ATXN7: variants seen among roughly 807,000 people sequenced by gnomAD.
ATXN7 encodes ataxin 7, also known as ataxin-7.
Under a neutral mutation model 70.5 loss-of-function variants are expected in ATXN7, and 12 were observed. That is an observed-to-expected ratio of 0.17 (90% confidence interval 0.11 to 0.28). ATXN7 has a LOEUF of 0.28. Ranked by LOEUF, ATXN7 falls within the 10% of genes least tolerant of loss-of-function variation. The pLI, the probability that ATXN7 is intolerant of heterozygous loss-of-function variation, is 1.00. For synonymous variants in ATXN7, 498 were observed against 448.7 expected (o/e 1.11, Z -1.39); for missense variants, 1,256 against 1,131.7 (o/e 1.11, Z -1.58).
At chr3:63,964,250 G>A (rs1347594876) in intron 5 of ATXN7, among the ~76,000 whole-genome samples, 3 of 152,094 alleles carry the variant, frequency 2.0e-5, no homozygotes, top group Admixed American at 6.6e-5. Context: ...TTTCTCGGGC[G>A]TCTATGGGAA....
intron 5 of ATXN7, among the ~76,000 whole-genome samples, chr3:63,968,935 A>AGGG (rs2075269504): frequency 1.3e-5 from 2 of 152,208 alleles, no homozygotes; most frequent in East Asian, 3.8e-4. Context: ...AAATATGAAA[A>AGGG]GATCTTAAAC....
intron 4 of ATXN7, among the ~76,000 whole-genome samples, chr3:63,950,710 T>A (rs2074939440): frequency 6.6e-6 from 1 of 152,190 alleles, no homozygotes; most frequent in Admixed American, 6.5e-5. Flanking sequence ...AGATATAACC[T>A]TTCCCCTTCT....
intron 11 of ATXN7, among the ~76,000 whole-genome samples, chr3:63,993,646 A>T (rs142678182): frequency 0.01 from 1,599 of 152,318 alleles, 37 homozygotes; most frequent in Admixed American, 0.041. Context: ...TACACAAAAG[A>T]GTAATTAACT....
At chr3:63,913,127 C>G in intron 3 of ATXN7, 30 bp from the exon 4 acceptor site, 1 of 1,608,090 alleles carries the variant, frequency 6.2e-7, no homozygotes, top group East Asian at 2.2e-5. Flanking sequence ...ACCTGCCTCT[C>G]CCCTCCTCCT....
rs764496435 is a variant in ATXN7 at position 63,988,199 on chromosome 3, G to T, written c.1236G>T (p.Arg412Ser). The change falls in exon 9 of 13, where the codon AGG becomes AGT. Residue 412 changes from arginine to serine, a missense_variant. Physicochemically the swap from Arg to Ser is moderately radical, Grantham distance 110 (BLOSUM62 -1). Transcript: ENST00000674280. ...CTCAGCAACCACCGCAGCCTCTCAG[G>T]GACCCGCATCCCGCCCCTCCTAGAA... ...PDSQQPPQPL[R>S]DPHPAPPRTS... 6.2e-7 allele frequency: 1 copy of T among 1,613,970 alleles called. No homozygotes were observed.
chr3:63,903,131 A>G (rs1322263704), intron 2 of ATXN7, among the ~76,000 whole-genome samples: 1 of 152,034 alleles, frequency 6.6e-6, no homozygotes, highest in Non-Finnish European at 1.5e-5. Context: ...ACGGTGGCTC[A>G]CGCCTGTAAT....
intron 4 of ATXN7, among the ~76,000 whole-genome samples, chr3:63,950,092 A>G (rs114501240): frequency 0.013 from 1,989 of 152,272 alleles, 17 homozygotes; most frequent in Non-Finnish European, 0.019. Flanking sequence ...ACAGAAGTAT[A>G]GATTCTTGGT....
chr3:63,982,752 C>T (rs2075511130), intron 7 of ATXN7, 187 bp from the exon 8 acceptor site: 4 of 617,308 alleles, frequency 6.5e-6, no homozygotes, highest in Non-Finnish European at 1.1e-5. Context: ...AGTAGTCACC[C>T]CCTGTCTTAG....
chr3:63,899,645 G>T (rs1292403025), intron 2 of ATXN7, among the ~76,000 whole-genome samples: 2 of 150,630 alleles, frequency 1.3e-5, no homozygotes, highest in African/African-American at 2.4e-5. Flanking sequence ...ACCTTTTCTT[G>T]CTCTGTCGCC....
At chr3:63,982,851 A>G (rs920238194) in intron 7 of ATXN7, 88 bp from the exon 8 acceptor site, 1 of 997,658 alleles carries the variant, frequency 1.0e-6, no homozygotes. Context: ...TAATTTATCT[A>G]ACTGTTGATT....
At chr3:63,987,862 C>T (rs2075604309) in intron 8 of ATXN7, among the ~76,000 whole-genome samples, 197 bp from the exon 9 acceptor site, 1 of 151,962 alleles carries the variant, frequency 6.6e-6, no homozygotes, top group East Asian at 1.9e-4. Context: ...GCATTTAGAG[C>T]CTAGAACGTA....
intron 5 of ATXN7, among the ~76,000 whole-genome samples, chr3:63,954,739 C>T (rs1159487740): frequency 1.5e-5 from 2 of 134,148 alleles, no homozygotes; most frequent in Non-Finnish European, 3.1e-5. Context: ...GACGGAGTCT[C>T]GCTCTGTCAC....
intron 5 of ATXN7, chr3:63,968,110 C>A: frequency 1.4e-6 from 1 of 699,648 alleles, no homozygotes; most frequent in Non-Finnish European, 2.4e-6. Flanking sequence ...TTATGCAGGC[C>A]TTTTTCCTCC....
intron 1 of ATXN7, among the ~76,000 whole-genome samples, chr3:63,892,201 C>T (rs1703289393): frequency 6.6e-6 from 1 of 152,096 alleles, no homozygotes; most frequent in Non-Finnish European, 1.5e-5. Context: ...TCCTAAGGGA[C>T]CATGCTAGAC....
At chr3:63,897,824 A>G (rs1703491181) in intron 1 of ATXN7, among the ~76,000 whole-genome samples, 2 of 152,228 alleles carry the variant, frequency 1.3e-5, no homozygotes. Flanking sequence ...CTCCTCCACA[A>G]ATTAATTAAA....
At position 63,995,997 on chromosome 3, in the gene ATXN7, C is replaced by G; in HGVS notation, c.2175C>G (p.Ser725=). Residue 725 remains serine, a synonymous_variant, in exon 12 of 13, where the codon TCC becomes TCG. Coordinates refer to ENST00000674280, the MANE Select transcript of ATXN7 (RefSeq NM_001377405.1). ...CTTCCTCCTCCTCTTCCTCCTCCTC[C>G]TCTTCTTCTCATTCCATGGAGTCTT... ...VHSSSSSSSS[S]SSSHSMESFR... The G allele has an allele frequency of 6.2e-7, 1 of 1,613,924 alleles. No homozygotes were observed. The highest frequency in any genetic ancestry group is 8.5e-7 in the Non-Finnish European group (1 of 1,179,760).
chr3:63,964,849 T>C (rs546101280), intron 5 of ATXN7, among the ~76,000 whole-genome samples: 1 of 152,294 alleles, frequency 6.6e-6, no homozygotes, highest in Admixed American at 6.5e-5. Flanking sequence ...TTTCAAGTGC[T>C]CCTTGGCAGC....
At chr3:63,927,482 G>A (rs925560685) in intron 4 of ATXN7, among the ~76,000 whole-genome samples, 4 of 152,232 alleles carry the variant, frequency 2.6e-5, no homozygotes, top group African/African-American at 9.7e-5. Flanking sequence ...TTGAAGGAGG[G>A]AGATAACATT....
At chr3:63,882,497 GTC>G (rs1398447981) in intron 1 of ATXN7, among the ~76,000 whole-genome samples, 1 of 150,728 alleles carries the variant, frequency 6.6e-6, no homozygotes, top group Non-Finnish European at 1.5e-5. Context: ...CAATTCTCGT[GTC>G]TCAGTCTCGC....
Sources: gnomAD v4.1 joint callset for allele counts (sites outside exome capture counted in the v4.1 genomes callset) on GRCh38, gnomAD v4.1.1 for gene constraint, MANE v1.5 for transcripts, NCBI Gene and HGNC (gene_info 2026-07-23, HGNC 2026-07-21) for gene names.